Variants in CALN1 observed in about 807,000 individuals in gnomAD.
The protein encoded by CALN1 is calneuron 1.
In CALN1, 17 loss-of-function variants were observed where a neutral mutation model predicts 30.6. That is an observed-to-expected ratio of 0.56 (90% CI 0.38 to 0.83). The LOEUF (loss-of-function observed/expected upper bound fraction) is 0.83. CALN1 is among the 40% of genes least tolerant of loss of function. The pLI is 0.00. For missense variants in CALN1, 291 were observed against 354.9 expected (o/e 0.82, Z 1.45); for synonymous variants, 156 against 131.4 (o/e 1.19, Z -1.28).
At chr7:72,415,849 G>C (rs933790642), upstream of CALN1, among the ~76,000 whole-genome samples, 4 of 152,186 alleles carry the variant, frequency 2.6e-5, no homozygotes, top group Non-Finnish European at 4.4e-5. Flanking sequence ...GTACCACCAC[G>C]CTCCTTCACC....
chr7:72,176,053 G>C (rs1789328350), intron 3 of CALN1, among the ~76,000 whole-genome samples: 1 of 152,098 alleles, frequency 6.6e-6, no homozygotes, highest in Non-Finnish European at 1.5e-5. Context: ...GCAAGACAAA[G>C]ACACACAGAA....
chr7:72,134,295 A>C (rs144788676), intron 3 of CALN1, among the ~76,000 whole-genome samples: 5 of 152,340 alleles, frequency 3.3e-5, no homozygotes, highest in African/African-American at 4.8e-5. Context: ...TTCTTTATAA[A>C]TTACCCAGTA....
the CALN1 span, among the ~76,000 whole-genome samples, chr7:72,467,006 G>A: frequency 2.0e-5 from 3 of 152,146 alleles, no homozygotes; most frequent in East Asian, 5.8e-4. Context: ...TGATGTCAGT[G>A]TTGGGCTCTG....
At chr7:72,334,985 C>T (rs1011498755) in intron 2 of CALN1, among the ~76,000 whole-genome samples, 1 of 152,178 alleles carries the variant, frequency 6.6e-6, no homozygotes, top group African/African-American at 2.4e-5. Flanking sequence ...GGTAGAAGAC[C>T]CCACCAACTG....
chr7:72,075,977 G>A (rs1008141824), intron 4 of CALN1, among the ~76,000 whole-genome samples: 1 of 152,118 alleles, frequency 6.6e-6, no homozygotes, highest in African/African-American at 2.4e-5. Context: ...GGTGTCAGGA[G>A]GAGAGGAAGG....
At chr7:72,151,578 C>CTTGGGG (rs1787252591) in intron 3 of CALN1, among the ~76,000 whole-genome samples, 1 of 152,162 alleles carries the variant, frequency 6.6e-6, no homozygotes, top group Non-Finnish European at 1.5e-5. Context: ...AGTGCTGCCT[C>CTTGGGG]CCACTTGGGG....
chr7:72,113,249 G>C (rs1027541822), intron 3 of CALN1, among the ~76,000 whole-genome samples: 26 of 152,064 alleles, frequency 1.7e-4, no homozygotes, highest in Non-Finnish European at 1.0e-4. Context: ...TCCTCAATTA[G>C]TTCCTGCAAG....
In CALN1 at chr7:71,780,209, C is replaced by G. The variant is rs116195614; in HGVS notation, c.*7566G>C. 1.3e-5 allele frequency: 2 copies of G among 152,128 alleles called. No homozygotes were observed. The highest frequency in any genetic ancestry group is 4.8e-5 in the African/African-American group (2 of 41,434). The allele number at this position is 152,128 out of a possible 1,614,324, so 9.4% of individuals were successfully genotyped here. On this transcript the variant is annotated 3_prime_UTR_variant, in exon 7 of 7. Transcript: ENST00000395275. ...AGGACCCCTGAAAGCTGATTTTGAGCTAAGAAAGAGAAAATATGCTTTAAT... is the reference window on the plus strand; with the variant it reads ...AGGACCCCTGAAAGCTGATTTTGAGGTAAGAAAGAGAAAATATGCTTTAAT...
intron 5 of CALN1, among the ~76,000 whole-genome samples, chr7:71,835,990 A>G (rs1385458315): frequency 6.6e-6 from 1 of 152,208 alleles, no homozygotes; most frequent in Non-Finnish European, 1.5e-5. Context: ...GCTTTGGGCA[A>G]TGAGGTGTTA....
intron 3 of CALN1, among the ~76,000 whole-genome samples, chr7:72,264,826 C>T (rs888414754): frequency 2.6e-5 from 4 of 152,100 alleles, no homozygotes; most frequent in East Asian, 3.9e-4. Context: ...TGATCCTCTC[C>T]CTCCTCCTAC....
rs541021441 is a variant in CALN1 at position 72,169,863 on chromosome 7, G to C, written c.245-63569C>G. On this transcript the variant is annotated intron_variant, in intron 3 of 6. Transcript: ENST00000395275. ...CCAGCACCACACCCGGCTAGTTTTTGTATCTTTTTAGTAGAGACAGGGTGT... is the reference window on the plus strand; with the variant it reads ...CCAGCACCACACCCGGCTAGTTTTTCTATCTTTTTAGTAGAGACAGGGTGT... Among the ~76,000 whole-genome samples the C allele has an allele frequency of 1.6e-4, 25 of 151,830 alleles. No homozygotes were observed. In the South Asian group the frequency reaches 5.2e-3, roughly 32 times the overall value.
chr7:71,883,252 A>C (rs1359097642), intron 5 of CALN1, among the ~76,000 whole-genome samples: 3 of 152,116 alleles, frequency 2.0e-5, no homozygotes, highest in Admixed American at 6.6e-5. Context: ...AGTACTCAGA[A>C]GTATTTGGTG....
intron 5 of CALN1, among the ~76,000 whole-genome samples, chr7:71,823,653 A>G (rs573974979): frequency 3.3e-5 from 5 of 151,960 alleles, no homozygotes; most frequent in Non-Finnish European, 5.9e-5. Flanking sequence ...GGGAGGTGGA[A>G]GTTGCAGTGA....
chr7:71,934,933 ACT>A lies in CALN1; in HGVS notation c.501+88722_501+88723del, dbSNP rs1266634496. Among the ~76,000 whole-genome samples, 7 of 152,178 alleles carry A rather than the reference ACT, an allele frequency of 4.6e-5. No individual in the cohort carries two copies. In the East Asian group the frequency reaches 1.4e-3, roughly 30 times the overall value. ...CCATCAGATCTTGTAGCACTTATTC[ACT>A]AATACGAGAACAGCACAGTAAAGAC... On this transcript the variant is annotated intron_variant, in intron 5 of 6. Transcript: ENST00000395275.
chr7:72,487,738 G>A, the CALN1 span, among the ~76,000 whole-genome samples: 749 of 42,146 alleles, frequency 0.018, 3 homozygotes, highest in East Asian at 0.052. Context: ...AGAAAGAAAG[G>A]AAGGAAGGAA....
intron 2 of CALN1, among the ~76,000 whole-genome samples, chr7:72,343,922 G>A (rs1243781058): frequency 2.0e-5 from 3 of 152,168 alleles, no homozygotes; most frequent in African/African-American, 7.2e-5. Flanking sequence ...TAAGGCCTCA[G>A]ACATATTTAA....
At chr7:72,030,522 T>A (rs541637761) in intron 4 of CALN1, among the ~76,000 whole-genome samples, 5 of 152,116 alleles carry the variant, frequency 3.3e-5, no homozygotes, top group Middle Eastern at 3.2e-3. Flanking sequence ...CCAAAAGTTA[T>A]CAGCATTGTA....
At chr7:72,000,084 A>T (rs1266896499) in intron 5 of CALN1, among the ~76,000 whole-genome samples, 1 of 152,132 alleles carries the variant, frequency 6.6e-6, no homozygotes, top group East Asian at 1.9e-4. Flanking sequence ...GTGGAATGTC[A>T]ATCAATAATC....
intron 5 of CALN1, among the ~76,000 whole-genome samples, chr7:71,977,776 A>T (rs2129526888): frequency 6.6e-6 from 1 of 152,128 alleles, no homozygotes; most frequent in East Asian, 1.9e-4. Context: ...TACTAAAAAT[A>T]TAAAAATTAA....
Sources: gnomAD v4.1 joint callset for allele counts (sites outside exome capture counted in the v4.1 genomes callset) on GRCh38, gnomAD v4.1.1 for gene constraint, MANE v1.5 for transcripts, NCBI Gene and HGNC (gene_info 2026-07-23, HGNC 2026-07-21) for gene names.